PCDH7: variants seen among roughly 807,000 people sequenced by gnomAD.
The protein encoded by PCDH7 is protocadherin 7.
Under a neutral mutation model 58.9 loss-of-function variants are expected in PCDH7, and 17 were observed. The ratio of observed to expected loss-of-function variants is 0.29; its 90% CI spans 0.20 to 0.43. PCDH7 has a LOEUF of 0.43. Ranked by LOEUF, PCDH7 falls within the 20% of genes least tolerant of loss-of-function variation. The pLI is 1.00. For synonymous variants in PCDH7, 664 were observed against 616.4 expected, an observed-to-expected ratio of 1.08 and a Z score of -1.14; for missense variants, 1,274 against 1,441.0, an observed-to-expected ratio of 0.88 and a Z score of 1.88.
chr4:30,795,460 A>T (rs1383587593), intron 1 of PCDH7, among the ~76,000 whole-genome samples: 1 of 152,366 alleles, frequency 6.6e-6, no homozygotes, highest in East Asian at 1.9e-4. Flanking sequence ...GAAATGTGAC[A>T]CAAGTCACAA....
intron 1 of PCDH7, among the ~76,000 whole-genome samples, chr4:30,885,461 G>A (rs1396038402): frequency 3.9e-5 from 6 of 152,254 alleles, no homozygotes; most frequent in South Asian, 2.1e-4. Context: ...CACGATGTGA[G>A]TGTTAGTTAT....
At chr4:30,957,598 A>G (rs930653270) in intron 3 of PCDH7, among the ~76,000 whole-genome samples, 3 of 152,124 alleles carry the variant, frequency 2.0e-5, no homozygotes, top group African/African-American at 7.2e-5. Context: ...TGATTGTTTT[A>G]AAAGGTGTTT....
At chr4:31,131,595 T>C (rs1191078563) in intron 3 of PCDH7, among the ~76,000 whole-genome samples, 1 of 145,030 alleles carries the variant, frequency 6.9e-6, no homozygotes, top group Non-Finnish European at 1.5e-5. Flanking sequence ...CAGAACTCAA[T>C]GTTTGCTTGA....
chr4:31,063,667 C>A (rs1028012588), intron 3 of PCDH7, among the ~76,000 whole-genome samples: 18 of 151,758 alleles, frequency 1.2e-4, no homozygotes, highest in African/African-American at 4.4e-4. Flanking sequence ...AAATAATGGT[C>A]TTGTCTTCTT....
chr4:30,924,817 G>GAAAA (rs35532582), intron 2 of PCDH7, among the ~76,000 whole-genome samples: 1 of 147,208 alleles, frequency 6.8e-6, no homozygotes. Context: ...GAGTACAAAT[G>GAAAA]AAAAAAAAAA....
At chr4:30,861,104 A>C (rs1734139658) in intron 1 of PCDH7, among the ~76,000 whole-genome samples, 1 of 152,162 alleles carries the variant, frequency 6.6e-6, no homozygotes, top group Admixed American at 6.6e-5. Context: ...CGCAAGAGAG[A>C]AATGTTCTTG....
intron 3 of PCDH7, among the ~76,000 whole-genome samples, chr4:31,024,947 T>C (rs1754310568): frequency 6.6e-6 from 1 of 152,136 alleles, no homozygotes; most frequent in Non-Finnish European, 1.5e-5. Flanking sequence ...TTCACCATGT[T>C]GGTTAGGGTG....
chr4:30,811,648 A>G (rs1039186536), intron 1 of PCDH7, among the ~76,000 whole-genome samples: 1 of 152,342 alleles, frequency 6.6e-6, no homozygotes, highest in East Asian at 1.9e-4. Flanking sequence ...TTTTAAAGTC[A>G]GAAGAGAAAC....
intron 3 of PCDH7, among the ~76,000 whole-genome samples, chr4:30,995,263 A>T (rs1449623867): frequency 6.6e-6 from 1 of 152,122 alleles, no homozygotes; most frequent in Non-Finnish European, 1.5e-5. Flanking sequence ...CATGCCTGTA[A>T]TCCCAGCACT....
At chr4:31,043,758 T>C (rs761910199) in intron 3 of PCDH7, among the ~76,000 whole-genome samples, 2 of 152,148 alleles carry the variant, frequency 1.3e-5, no homozygotes, top group African/African-American at 4.8e-5. Context: ...ACTCTGATAA[T>C]AGTTTCTTTA....
At chr4:30,941,618 T>C (rs145757265) in intron 2 of PCDH7, among the ~76,000 whole-genome samples, 3 of 152,058 alleles carry the variant, frequency 2.0e-5, no homozygotes, top group African/African-American at 7.2e-5. Context: ...TGTGCTTTAG[T>C]AGTGAATGGT....
At chr4:30,948,669 G>A (rs1227687938) in intron 2 of PCDH7, among the ~76,000 whole-genome samples, 1 of 152,128 alleles carries the variant, frequency 6.6e-6, no homozygotes, top group African/African-American at 2.4e-5. Flanking sequence ...GCTACTTTGA[G>A]TTGTTTCTTT....
At chr4:31,089,636 A>G (rs1211935076) in intron 3 of PCDH7, among the ~76,000 whole-genome samples, 1 of 152,092 alleles carries the variant, frequency 6.6e-6, no homozygotes, top group Non-Finnish European at 1.5e-5. Flanking sequence ...GGCTAAATTC[A>G]GAATAGTGAC....
At position 30,852,615 on chromosome 4, in the gene PCDH7, T is replaced by G. The variant is rs1371934002; in HGVS notation, c.71-67538T>G. Among the ~76,000 whole-genome samples the G allele has an allele frequency of 2.6e-5, 4 of 151,766 alleles. No individual in the cohort carries two copies. In the South Asian group the frequency reaches 8.3e-4, roughly 31 times the overall value. On this transcript the variant is annotated intron_variant, in intron 1 of 3. Transcript: ENST00000509759. The stretch of plus-strand genomic sequence containing the variant: ...GACGTTCATTATTGAATCATAATGG[T>G]CCTTCTGAAAAATCCCTGAAGGAGG...
At chr4:30,999,100 C>A (rs1042717009) in intron 3 of PCDH7, among the ~76,000 whole-genome samples, 1 of 152,028 alleles carries the variant, frequency 6.6e-6, no homozygotes, top group African/African-American at 2.4e-5. Flanking sequence ...GTCAGAGGAC[C>A]TGAACTCTGG....
At chr4:30,825,023 G>A (rs932941933) in intron 1 of PCDH7, among the ~76,000 whole-genome samples, 3 of 152,186 alleles carry the variant, frequency 2.0e-5, no homozygotes, top group Non-Finnish European at 2.9e-5. Flanking sequence ...AATGGATAGC[G>A]CTTGGTGAAT....
At chr4:30,851,156 C>CTGTG (rs35649499) in intron 1 of PCDH7, among the ~76,000 whole-genome samples, 11 of 150,178 alleles carry the variant, frequency 7.3e-5, no homozygotes, top group Non-Finnish European at 1.0e-4. Context: ...ATGTGTGTGT[C>CTGTG]TGTGTGTGTG....
At chr4:30,731,692 A>G (rs908077685) in exon 2 of PCDH7, 2 of 152,110 alleles carry the variant, frequency 1.3e-5, no homozygotes, top group Non-Finnish European at 2.9e-5. Context: ...CGTAAACTCA[A>G]GCAGCTTCAA....
intron 3 of PCDH7, among the ~76,000 whole-genome samples, chr4:30,964,302 C>T (rs1748785526): frequency 6.6e-6 from 1 of 150,656 alleles, no homozygotes; most frequent in Non-Finnish European, 1.5e-5. Flanking sequence ...AGTGCAGTGG[C>T]CTGATCTCGG....
Sources: gnomAD v4.1 joint callset for allele counts (sites outside exome capture counted in the v4.1 genomes callset) on GRCh38, gnomAD v4.1.1 for gene constraint, MANE v1.5 for transcripts, NCBI Gene and HGNC (gene_info 2026-07-23, HGNC 2026-07-21) for gene names.